Variants in TAF6L observed in about 807,000 individuals in gnomAD.
The protein encoded by TAF6L is TAF6-like RNA polymerase II p300/CBP-associated factor-associated factor 65 kDa subunit 6L.
Under a neutral mutation model 57.3 loss-of-function variants are expected in TAF6L, and 34 were observed. That is an observed-to-expected ratio of 0.59 (90% CI 0.45 to 0.79). TAF6L has a LOEUF of 0.79. TAF6L is among the 30% of genes least tolerant of loss of function. The pLI, the probability that TAF6L is intolerant of heterozygous loss-of-function variation, is 0.00. For synonymous variants in TAF6L, 417 were observed against 376.3 expected, an observed-to-expected ratio of 1.11 and a Z score of -1.25; for missense variants, 782 against 853.2, an observed-to-expected ratio of 0.92 and a Z score of 1.04.
chr11:62,786,912 C>T lies in TAF6L; in HGVS notation c.1485C>T (p.Ser495=). The T allele has an allele frequency of 2.0e-6, 3 of 1,506,508 alleles. No homozygotes were observed. Among genetic ancestry groups the T allele is most frequent in the African/African-American group, 1.4e-5 (1 of 69,542 alleles). The allele number at this position is 1,506,508 out of a possible 1,614,324, so 93.3% of individuals were successfully genotyped here. ...AGCTGACGGCAAGCGCCATAGTCAG[C>T]CCGCACGGCGACGAGAGCCCCCGGG... ...MPQLTASAIV[S]PHGDESPRGS... is the part of the protein sequence containing the mutation. Residue 495 remains serine (S), a synonymous_variant, in exon 11 of 11, where the codon AGC becomes AGT. Coordinates refer to ENST00000294168, the MANE Select transcript of TAF6L (RefSeq NM_006473.4).
At chr11:62,775,705 T>G in intron 1 of TAF6L, 66 bp from the exon 2 acceptor site, 1 of 1,514,348 alleles carries the variant, frequency 6.6e-7, no homozygotes, top group Non-Finnish European at 8.8e-7. Flanking sequence ...TGGAGGGTGT[T>G]GGATCACACT....
chr11:62,783,819 C>T (rs2134720540), intron 9 of TAF6L, among the ~76,000 whole-genome samples: 1 of 151,774 alleles, frequency 6.6e-6, no homozygotes, highest in East Asian at 2.0e-4. Context: ...AGGCATGAGC[C>T]ACCACGCCCA....
chr11:62,773,671 C>T (rs553557002), intron 1 of TAF6L, among the ~76,000 whole-genome samples: 7 of 152,180 alleles, frequency 4.6e-5, no homozygotes, highest in African/African-American at 7.2e-5. Flanking sequence ...TGGTCTTGAA[C>T]TCCTGACCTC....
intron 1 of TAF6L, chr11:62,772,248 G>A (rs2084154152): frequency 7.3e-5 from 30 of 411,820 alleles, no homozygotes; most frequent in South Asian, 5.2e-4. Context: ...GTGGCCGGGC[G>A]CGGTGGCTCA....
intron 6 of TAF6L, among the ~76,000 whole-genome samples, chr11:62,780,718 C>G (rs1417834619): frequency 6.7e-6 from 1 of 149,506 alleles, no homozygotes; most frequent in Non-Finnish European, 1.5e-5. Context: ...TCATGTGAGG[C>G]CGGGAGTTCG....
intron 1 of TAF6L, among the ~76,000 whole-genome samples, chr11:62,773,364 T>C (rs1590931801): frequency 6.6e-6 from 1 of 151,968 alleles, no homozygotes; most frequent in East Asian, 1.9e-4. Flanking sequence ...TCCAGGCTGG[T>C]CTAGAACTCC....
Position 62,780,979 on chromosome 11 carries a change from T to G in TAF6L, c.532-915T>G, listed in dbSNP as rs2084225194. ...GGCCGGGCACGGTGGCTAACGCCTG[T>G]AATCTCAGCACTTTGGGAGGCCGAG... On this transcript the variant is annotated intron_variant, in intron 6 of 10. Coordinates refer to ENST00000294168, the MANE Select transcript of TAF6L (RefSeq NM_006473.4). Among the ~76,000 whole-genome samples, 3 of 147,752 alleles carry G rather than the reference T, an allele frequency of 2.0e-5. No homozygotes were observed. In the Admixed American group the frequency reaches 2.0e-4, roughly 10 times the overall value.
At chr11:62,777,268 A>G (rs1435763450) in intron 3 of TAF6L, among the ~76,000 whole-genome samples, 1 of 152,274 alleles carries the variant, frequency 6.6e-6, no homozygotes, top group East Asian at 1.9e-4. Context: ...CGTAGGTTGC[A>G]GTGAGCCGAG....
At chr11:62,784,845 A>G (rs776297130) in intron 9 of TAF6L, among the ~76,000 whole-genome samples, 1 of 152,202 alleles carries the variant, frequency 6.6e-6, no homozygotes, top group Non-Finnish European at 1.5e-5. Flanking sequence ...TGGGTCTGCT[A>G]AATTTTAAAA....
At chr11:62,782,479 GAC>G in intron 8 of TAF6L, 146 bp downstream of exon 8, 3 of 1,037,342 alleles carry the variant, frequency 2.9e-6, no homozygotes, top group Non-Finnish European at 4.2e-6. Flanking sequence ...GGTGTGCTGT[GAC>G]ACACTGGGAT....
chr11:62,783,320 A>G (rs1331603754), intron 9 of TAF6L, among the ~76,000 whole-genome samples: 1 of 152,036 alleles, frequency 6.6e-6, no homozygotes, highest in Non-Finnish European at 1.5e-5. Context: ...ATCTCTACTA[A>G]AAATACAAAC....
intron 1 of TAF6L, chr11:62,771,876 A>G (rs1328344972): frequency 3.3e-6 from 1 of 305,596 alleles, no homozygotes; most frequent in Non-Finnish European, 6.5e-6. Flanking sequence ...CTCCCATTTT[A>G]CAGATAGGGA....
chr11:62,771,722 GCCT>G (rs1481818863), intron 1 of TAF6L: 25 of 201,820 alleles, frequency 1.2e-4, no homozygotes, highest in Non-Finnish European at 6.3e-5. Context: ...CAGTTCCCAC[GCCT>G]CCTCTCCAGC....
intron 1 of TAF6L, chr11:62,771,997 C>A (rs1436012863): frequency 2.4e-6 from 1 of 411,860 alleles, no homozygotes; most frequent in East Asian, 7.2e-5. Context: ...CAGCTGGCGG[C>A]TCCTGAATGC....
At position 62,778,115 on chromosome 11, in the gene TAF6L, G is replaced by C. The variant is rs2084200723; in HGVS notation, c.372G>C (p.Glu124Asp). The C allele has an allele frequency of 6.2e-7, 1 of 1,614,098 alleles. No individual in the cohort carries two copies. The highest frequency in any genetic ancestry group is 8.5e-7 in the Non-Finnish European group (1 of 1,180,048). The part of the protein sequence containing the change: ...LATNIPKGCA[E>D]TAVRVHVSYL... ...CCAACATCCCCAAAGGCTGTGCTGA[G>C]ACAGCTGTCAGAGGTGGCTGCCGGG... The change falls in exon 4 of 11, where the codon GAG becomes GAC. Residue 124 changes from glutamate (E) to aspartate (D), a missense_variant. Coordinates refer to ENST00000294168, the MANE Select transcript of TAF6L (RefSeq NM_006473.4).
At chr11:62,772,776 T>C (rs1443442157) in intron 1 of TAF6L, among the ~76,000 whole-genome samples, 5 of 148,614 alleles carry the variant, frequency 3.4e-5, no homozygotes, top group Non-Finnish European at 5.9e-5. Context: ...CCAGCCTGGG[T>C]GACAGAGTGA....
chr11:62,782,581 C>A, intron 8 of TAF6L, 112 bp from the exon 9 acceptor site: 1 of 1,468,942 alleles, frequency 6.8e-7, no homozygotes, highest in Non-Finnish European at 9.3e-7. Flanking sequence ...CTTCACTTAA[C>A]CCCAGCACTC....
At chr11:62,779,975 TA>T (rs1194343550) in intron 6 of TAF6L, among the ~76,000 whole-genome samples, 23,981 of 81,362 alleles carry the variant, frequency 0.29, 3,954 homozygotes, top group Non-Finnish European at 0.4. Flanking sequence ...TATATATATA[TA>T]TTTTTTTTTT....
At position 62,786,349 on chromosome 11, in the gene TAF6L, G is replaced by A; in HGVS notation, c.1050G>A (p.Gln350=). 1 of 1,614,134 alleles carries A rather than the reference G, an allele frequency of 6.2e-7. No homozygotes were observed. The highest frequency in any genetic ancestry group is 8.5e-7 in the Non-Finnish European group (1 of 1,180,012). The part of the protein sequence containing the change: ...VLDDYSVSNA[Q]VKADGHKVYG... ...ATGATTATTCAGTATCTAATGCCCA[G>A]GTCAAAGCAGATGGACACAAAGTCT... The change falls in exon 10 of 11, where the codon CAG becomes CAA. Residue 350 remains glutamine, a synonymous_variant. Coordinates refer to ENST00000294168, the MANE Select transcript of TAF6L (RefSeq NM_006473.4).
Sources: allele counts gnomAD v4.1 joint callset (sites outside exome capture counted in the v4.1 genomes callset), GRCh38; gene constraint gnomAD v4.1.1; transcripts MANE v1.5; gene names NCBI Gene and HGNC (gene_info 2026-07-23, HGNC 2026-07-21).